SAXO1: variants seen among roughly 807,000 people sequenced by gnomAD.
SAXO1 encodes stabilizer of axonemal microtubules 1, also known as 4930500O09Rik.
In SAXO1, 21 loss-of-function variants were observed where a neutral mutation model predicts 17.5. The ratio of observed to expected loss-of-function variants is 1.20; its 90% CI spans 0.85 to 1.72. The LOEUF (loss-of-function observed/expected upper bound fraction) is 1.72, where lower values mean the gene tolerates loss of function less well. SAXO1 is among the 40% of genes most tolerant of loss of function. SAXO1 has a pLI of 0.00. For synonymous variants in SAXO1, 274 were observed against 216.5 expected, an observed-to-expected ratio of 1.27 and a Z score of -2.33; for missense variants, 843 against 596.0, an observed-to-expected ratio of 1.41 and a Z score of -4.32.
At chr9:19,047,112 G>A (rs1018378757) in intron 1 of SAXO1, among the ~76,000 whole-genome samples, 8 of 152,242 alleles carry the variant, frequency 5.3e-5, no homozygotes, top group Non-Finnish European at 1.0e-4. Flanking sequence ...GCTTGAATCT[G>A]GGAGGCGGAG....
intron 1 of SAXO1, among the ~76,000 whole-genome samples, chr9:18,981,946 C>T (rs1040776281): frequency 3.9e-5 from 6 of 152,162 alleles, no homozygotes; most frequent in East Asian, 3.9e-4. Context: ...CTGGATGAGC[C>T]GGACCCTGAC....
At chr9:18,938,734 G>A (rs1476230683) in intron 3 of SAXO1, among the ~76,000 whole-genome samples, 2 of 152,002 alleles carry the variant, frequency 1.3e-5, no homozygotes, top group Non-Finnish European at 2.9e-5. Context: ...GTAGCTGTAT[G>A]GACAAAGGGA....
intron 1 of SAXO1, among the ~76,000 whole-genome samples, chr9:19,002,271 A>C (rs565564327): frequency 6.6e-6 from 1 of 152,326 alleles, no homozygotes; most frequent in South Asian, 2.1e-4. Flanking sequence ...ACCAAAAAAA[A>C]AGTCCAGGAC....
chr9:18,990,913 T>C (rs1833787369), intron 1 of SAXO1, among the ~76,000 whole-genome samples: 1 of 152,186 alleles, frequency 6.6e-6, no homozygotes, highest in Non-Finnish European at 1.5e-5. Flanking sequence ...TGATTCTACA[T>C]TACAGTGAGT....
At position 18,938,105 on chromosome 9, in the gene SAXO1, G is replaced by T. The variant is rs556121796; in HGVS notation, c.421+3532C>A. The stretch of plus-strand genomic sequence containing the variant: ...TGCATGCCTGGTTCTGAGCAGTCCA[G>T]TTCAGACTTGACTGGTGTTCATTTA... On this transcript the variant is annotated intron_variant, in intron 3 of 3. Transcript: ENST00000380534. 1.4e-4 allele frequency among the ~76,000 whole-genome samples: 21 copies of T among 152,306 alleles called. No homozygotes were observed. In the South Asian group the frequency reaches 4.3e-3, roughly 32 times the overall value.
chr9:18,980,049 A>AG (rs113381787), intron 1 of SAXO1, among the ~76,000 whole-genome samples: 3,016 of 152,316 alleles, frequency 0.02, 98 homozygotes, highest in African/African-American at 0.068. Flanking sequence ...TGTTTAGAAA[A>AG]GGGAGTCTAC....
chr9:18,990,075 G>A (rs573854924), intron 1 of SAXO1, among the ~76,000 whole-genome samples: 14 of 152,118 alleles, frequency 9.2e-5, no homozygotes, highest in African/African-American at 2.9e-4. Context: ...TAAGCAACTG[G>A]CCCAATGCCA....
intron 1 of SAXO1, among the ~76,000 whole-genome samples, chr9:18,955,379 A>G (rs983361539): frequency 6.6e-6 from 1 of 152,206 alleles, no homozygotes; most frequent in Non-Finnish European, 1.5e-5. Flanking sequence ...TGTCTTGTAC[A>G]TTTCCTTCAG....
At chr9:19,021,250 T>C (rs1835220875) in intron 1 of SAXO1, among the ~76,000 whole-genome samples, 1 of 152,158 alleles carries the variant, frequency 6.6e-6, no homozygotes, top group Admixed American at 6.6e-5. Flanking sequence ...AGAAGTGGTA[T>C]GAAGCTAGGG....
chr9:19,021,277 C>T (rs1238924732), intron 1 of SAXO1, among the ~76,000 whole-genome samples: 1 of 152,210 alleles, frequency 6.6e-6, no homozygotes, highest in Admixed American at 6.5e-5. Context: ...TAGCCACAGA[C>T]AGCCAACGTG....
At chr9:19,013,000 T>G (rs2130993630) in intron 1 of SAXO1, among the ~76,000 whole-genome samples, 2 of 152,266 alleles carry the variant, frequency 1.3e-5, no homozygotes, top group Middle Eastern at 6.8e-3. Flanking sequence ...CAACCCTGCC[T>G]CATCAGGCCT....
At chr9:19,048,900 G>C (rs1447191141) in intron 1 of SAXO1, among the ~76,000 whole-genome samples, 1 of 152,206 alleles carries the variant, frequency 6.6e-6, no homozygotes, top group Non-Finnish European at 1.5e-5. Flanking sequence ...CTGGAAGCCA[G>C]GATGTCTCCT....
intron 1 of SAXO1, among the ~76,000 whole-genome samples, chr9:18,975,092 T>G (rs1359514461): frequency 1.3e-5 from 2 of 152,052 alleles, no homozygotes; most frequent in African/African-American, 4.8e-5. Flanking sequence ...AATCAGGTGT[T>G]GAAGGATGAG....
At chr9:18,968,783 G>A (rs1832834692) in intron 1 of SAXO1, among the ~76,000 whole-genome samples, 1 of 152,044 alleles carries the variant, frequency 6.6e-6, no homozygotes, top group African/African-American at 2.4e-5. Flanking sequence ...TAGTAGAGAT[G>A]GGGCTTCCCC....
intron 1 of SAXO1, among the ~76,000 whole-genome samples, chr9:19,030,826 A>T (rs192706056): frequency 2.0e-5 from 3 of 152,352 alleles, no homozygotes; most frequent in African/African-American, 7.2e-5. Flanking sequence ...TGGGGCAGAT[A>T]CCAGAATAAT....
At chr9:19,034,502 G>A (rs991871011), upstream of SAXO1, among the ~76,000 whole-genome samples, 1 of 152,106 alleles carries the variant, frequency 6.6e-6, no homozygotes, top group Admixed American at 6.5e-5. Context: ...CAAAAAATTT[G>A]TGTAAACATT....
At chr9:19,006,768 A>G (rs969668014) in intron 1 of SAXO1, among the ~76,000 whole-genome samples, 5 of 152,222 alleles carry the variant, frequency 3.3e-5, no homozygotes, top group African/African-American at 1.2e-4. Flanking sequence ...AAATGAGGCC[A>G]GGTGTGGTGG....
At chr9:19,023,000 A>C (rs1835312098) in intron 1 of SAXO1, among the ~76,000 whole-genome samples, 1 of 152,194 alleles carries the variant, frequency 6.6e-6, no homozygotes, top group Non-Finnish European at 1.5e-5. Context: ...ATGAACTCAC[A>C]AAGCCTAATA....
At chr9:18,963,773 T>C (rs988275199) in intron 1 of SAXO1, among the ~76,000 whole-genome samples, 7 of 152,310 alleles carry the variant, frequency 4.6e-5, no homozygotes, top group African/African-American at 1.7e-4. Context: ...CCTAATTGAA[T>C]ACCCTTTATT....
Sources: allele counts gnomAD v4.1 joint callset (sites outside exome capture counted in the v4.1 genomes callset), GRCh38; gene constraint gnomAD v4.1.1; transcripts MANE v1.5; gene names NCBI Gene and HGNC (gene_info 2026-07-23, HGNC 2026-07-21).